LRRC4C: variants seen among roughly 807,000 people sequenced by gnomAD.
LRRC4C encodes the protein leucine rich repeat containing 4C, also known as leucine-rich repeat-containing protein 4C.
Under a neutral mutation model 33.6 loss-of-function variants are expected in LRRC4C, and 5 were observed. That is an observed-to-expected ratio of 0.15 (90% confidence interval 0.08 to 0.31). The LOEUF (loss-of-function observed/expected upper bound fraction) is 0.31, where lower values mean the gene tolerates loss of function less well. Among genes scored for constraint, LRRC4C ranks in the 10% least tolerant of loss-of-function variants. The pLI, the probability that LRRC4C is intolerant of heterozygous loss-of-function variation, is 1.00. For synonymous variants in LRRC4C, 329 were observed against 302.0 expected, an observed-to-expected ratio of 1.09 and a Z score of -0.93; for missense variants, 560 against 796.7, an observed-to-expected ratio of 0.70 and a Z score of 3.58.
At chr11:40,964,116 T>C (rs765327501) in intron 1 of LRRC4C, among the ~76,000 whole-genome samples, 21 of 151,608 alleles carry the variant, frequency 1.4e-4, no homozygotes, top group African/African-American at 1.9e-4. Context: ...CAAACCAGCA[T>C]AACAATAGTA....
chr11:40,762,400 T>A (rs191673530), intron 2 of LRRC4C, among the ~76,000 whole-genome samples: 4 of 152,276 alleles, frequency 2.6e-5, no homozygotes, highest in African/African-American at 9.6e-5. Flanking sequence ...ATCAGAGAGA[T>A]CTGATTCAAG....
In LRRC4C at chr11:41,383,874, C is replaced by T. The variant is rs149390875; in HGVS notation, c.-496+75557G>A. 2.0e-4 allele frequency among the ~76,000 whole-genome samples: 30 copies of T among 151,670 alleles called. 1 individual carries two copies. Among genetic ancestry groups the T allele is most frequent in the Admixed American group, 8.6e-4 (13 of 15,198 alleles). On this transcript the variant is annotated intron_variant, in intron 1 of 6. Coordinates refer to ENST00000528697, the MANE Select transcript of LRRC4C (RefSeq NM_001258419.2). Reference sequence around the variant, plus strand: ...AAGACATAAGAAAATAGACATGTAACAAGTAAAAAGATGATAAAAGAAACA... The same window carrying T: ...AAGACATAAGAAAATAGACATGTAATAAGTAAAAAGATGATAAAAGAAACA...
intron 4 of LRRC4C, among the ~76,000 whole-genome samples, chr11:40,273,299 C>T (rs1942843582): frequency 6.6e-6 from 1 of 151,984 alleles, no homozygotes; most frequent in Non-Finnish European, 1.5e-5. Context: ...ATGAGTGAAG[C>T]ACTGGGGGAC....
intron 1 of LRRC4C, among the ~76,000 whole-genome samples, chr11:41,055,973 C>T (rs1485828497): frequency 6.6e-6 from 1 of 152,040 alleles, no homozygotes; most frequent in African/African-American, 2.4e-5. Context: ...TATTTTCTTT[C>T]AGGTTATTCC....
chr11:41,180,954 C>T (rs1201059530), intron 1 of LRRC4C, among the ~76,000 whole-genome samples: 3 of 151,674 alleles, frequency 2.0e-5, no homozygotes, highest in South Asian at 2.1e-4. Context: ...TCATGAGTTG[C>T]GAATTCTAGT....
At chr11:40,227,202 C>T (rs561913876) in intron 5 of LRRC4C, among the ~76,000 whole-genome samples, 1 of 152,296 alleles carries the variant, frequency 6.6e-6, no homozygotes, top group South Asian at 2.1e-4. Context: ...TGATGGGAGT[C>T]TTTGTCAAAT....
At chr11:40,328,977 T>C (rs766909418) in intron 3 of LRRC4C, among the ~76,000 whole-genome samples, 4 of 152,228 alleles carry the variant, frequency 2.6e-5, no homozygotes, top group Non-Finnish European at 5.9e-5. Context: ...TGATGCCACC[T>C]GAGTAACTCA....
At position 40,645,724 on chromosome 11, in the gene LRRC4C, T is replaced by G. The variant is rs139203017; in HGVS notation, c.-270+2418A>C. 5.8e-3 allele frequency among the ~76,000 whole-genome samples: 876 copies of G among 152,300 alleles called. 14 individuals are homozygous for G. Among genetic ancestry groups the G allele is most frequent in the African/African-American group, 0.021 (854 of 41,568 alleles). ...CTTTCTAGTTTTCAGGCTGTAACAC[T>G]GGCTGAGTACCATCCCCCACAAAAT... On this transcript the variant is annotated intron_variant, in intron 3 of 6. Transcript: ENST00000528697.
chr11:41,310,580 T>G (rs569302867), intron 1 of LRRC4C, among the ~76,000 whole-genome samples: 1 of 152,336 alleles, frequency 6.6e-6, no homozygotes, highest in South Asian at 2.1e-4. Context: ...AATAAATTAC[T>G]CCATTCAACT....
chr11:40,585,000 G>C (rs1458600133), intron 3 of LRRC4C, among the ~76,000 whole-genome samples: 1 of 151,758 alleles, frequency 6.6e-6, no homozygotes, highest in Admixed American at 6.6e-5. Flanking sequence ...AGAGGTTCTT[G>C]GGGGCAGATG....
chr11:40,868,849 C>T (rs985753901), intron 2 of LRRC4C, among the ~76,000 whole-genome samples: 1 of 152,066 alleles, frequency 6.6e-6, no homozygotes, highest in African/African-American at 2.4e-5. Flanking sequence ...CTATCATGTC[C>T]CCTTCTCTCT....
chr11:40,716,113 G>A (rs1311962009), intron 2 of LRRC4C, among the ~76,000 whole-genome samples: 3 of 151,562 alleles, frequency 2.0e-5, no homozygotes, highest in East Asian at 1.9e-4. Flanking sequence ...TATATAAATT[G>A]TAAAAACATG....
At chr11:40,532,787 T>G (rs1482213894) in intron 3 of LRRC4C, among the ~76,000 whole-genome samples, 2 of 152,118 alleles carry the variant, frequency 1.3e-5, no homozygotes, top group Non-Finnish European at 2.9e-5. Context: ...ATTCTCTCAC[T>G]GTTATAAAGA....
intron 2 of LRRC4C, among the ~76,000 whole-genome samples, chr11:40,776,457 G>A (rs903092452): frequency 6.6e-6 from 1 of 151,852 alleles, no homozygotes; most frequent in Non-Finnish European, 1.5e-5. Context: ...ATTTAATCTT[G>A]TGAGGTTGTG....
rs1399744887 is a variant in LRRC4C at position 40,393,917 on chromosome 11, T to G, written c.-269-74196A>C. Among the ~76,000 whole-genome samples the G allele has an allele frequency of 7.2e-4, 110 of 152,092 alleles. 2 individuals carry two copies. Among genetic ancestry groups the G allele is most frequent in the Non-Finnish European group, 7.5e-4 (51 of 68,014 alleles). Reference sequence around the variant, plus strand: ...TATACAGACACATAGCAGAAAGAACTGGATGCACATATGACTCTTAAGAGA... The same window carrying G: ...TATACAGACACATAGCAGAAAGAACGGGATGCACATATGACTCTTAAGAGA... On this transcript the variant is annotated intron_variant, in intron 3 of 6. Coordinates refer to ENST00000528697, the MANE Select transcript of LRRC4C (RefSeq NM_001258419.2).
chr11:40,329,189 CAGTT>C (rs573480622), intron 3 of LRRC4C, among the ~76,000 whole-genome samples: 5 of 152,156 alleles, frequency 3.3e-5, no homozygotes, highest in Admixed American at 3.3e-4. Flanking sequence ...GTGAAAATAA[CAGTT>C]AGTTCTGTAA....
intron 2 of LRRC4C, among the ~76,000 whole-genome samples, chr11:40,654,858 G>A (rs1943015661): frequency 6.6e-6 from 1 of 152,114 alleles, no homozygotes; most frequent in Admixed American, 6.6e-5. Context: ...GGAGATAATT[G>A]AATCATGGTG....
chr11:40,707,100 G>T (rs1378659735), intron 2 of LRRC4C, among the ~76,000 whole-genome samples: 1 of 152,144 alleles, frequency 6.6e-6, no homozygotes, highest in Admixed American at 6.5e-5. Flanking sequence ...ATCATCTTAA[G>T]GAGATTTTGG....
At chr11:40,868,079 G>T (rs1386492780) in intron 2 of LRRC4C, among the ~76,000 whole-genome samples, 1 of 152,070 alleles carries the variant, frequency 6.6e-6, no homozygotes, top group African/African-American at 2.4e-5. Flanking sequence ...TTAGTCATCT[G>T]GTTTTAAGAA....
Sources: allele counts gnomAD v4.1 joint callset (sites outside exome capture counted in the v4.1 genomes callset), GRCh38; gene constraint gnomAD v4.1.1; transcripts MANE v1.5; gene names NCBI Gene and HGNC (gene_info 2026-07-23, HGNC 2026-07-21).